NELL1: variants seen among roughly 807,000 people sequenced by gnomAD.
The protein encoded by NELL1 is protein kinase C-binding protein NELL1.
Under a neutral mutation model 107.4 loss-of-function variants are expected in NELL1, and 76 were observed. The ratio of observed to expected loss-of-function variants is 0.71; its 90% CI spans 0.59 to 0.86. The LOEUF (loss-of-function observed/expected upper bound fraction) is 0.86. Ranked by LOEUF, NELL1 falls within the 40% of genes least tolerant of loss-of-function variation. The probability of loss-of-function intolerance (pLI) is 0.00; values close to 1 mark genes in which losing one functional copy is unlikely to be tolerated. For synonymous variants in NELL1, 353 were observed against 341.2 expected (o/e 1.03, Z -0.38); for missense variants, 1,024 against 1,005.5 (o/e 1.02, Z -0.25).
intron 1 of NELL1, among the ~76,000 whole-genome samples, chr11:20,673,082 G>A (rs577969949): frequency 1.0e-3 from 158 of 150,536 alleles, no homozygotes; most frequent in African/African-American, 3.5e-3. Context: ...GGCTGGTCTC[G>A]AACTCCTGAC....
At chr11:21,064,379 G>A (rs985348241) in intron 12 of NELL1, among the ~76,000 whole-genome samples, 11 of 152,180 alleles carry the variant, frequency 7.2e-5, no homozygotes, top group African/African-American at 2.7e-4. Flanking sequence ...TTCCAGGAGC[G>A]AGATGATAGT....
At chr11:20,731,881 C>T (rs1855653800) in intron 2 of NELL1, among the ~76,000 whole-genome samples, 1 of 152,132 alleles carries the variant, frequency 6.6e-6, no homozygotes, top group South Asian at 2.1e-4. Context: ...TAAGGATGTG[C>T]ATATGTGTGG....
At chr11:21,053,382 G>T (rs1853543087) in intron 12 of NELL1, among the ~76,000 whole-genome samples, 1 of 152,044 alleles carries the variant, frequency 6.6e-6, no homozygotes, top group Non-Finnish European at 1.5e-5. Flanking sequence ...TTGGTTTTCT[G>T]TTCTTGTGTT....
chr11:20,996,560 G>T (rs988762880), intron 12 of NELL1, among the ~76,000 whole-genome samples: 1 of 152,134 alleles, frequency 6.6e-6, no homozygotes, highest in Non-Finnish European at 1.5e-5. Flanking sequence ...ACTCTTCCCT[G>T]GTGACCTCAG....
chr11:21,217,952 A>G (rs1857659125), intron 13 of NELL1, among the ~76,000 whole-genome samples: 1 of 152,210 alleles, frequency 6.6e-6, no homozygotes, highest in Admixed American at 6.5e-5. Context: ...TTCCATGGAC[A>G]GGAAATGAGA....
intron 2 of NELL1, among the ~76,000 whole-genome samples, chr11:20,731,870 G>C (rs554120356): frequency 6.6e-6 from 1 of 152,308 alleles, no homozygotes; most frequent in South Asian, 2.1e-4. Flanking sequence ...GATACATGTG[G>C]TAAGGATGTG....
intron 14 of NELL1, among the ~76,000 whole-genome samples, chr11:21,348,394 T>G (rs1441576431): frequency 2.0e-5 from 3 of 152,156 alleles, no homozygotes; most frequent in African/African-American, 7.2e-5. Flanking sequence ...GATACAGAAA[T>G]GAGGATTTTA....
intron 4 of NELL1, among the ~76,000 whole-genome samples, chr11:20,851,713 T>C (rs1212749177): frequency 6.6e-6 from 1 of 152,242 alleles, no homozygotes; most frequent in Non-Finnish European, 1.5e-5. Context: ...AATTTATTTA[T>C]TGGGTACACT....
intron 16 of NELL1, among the ~76,000 whole-genome samples, chr11:21,556,734 G>A (rs1193924353): frequency 1.3e-5 from 2 of 151,832 alleles, no homozygotes; most frequent in Non-Finnish European, 2.9e-5. Context: ...TCTAATGCAA[G>A]CTTAGCCATG....
intron 11 of NELL1, among the ~76,000 whole-genome samples, chr11:20,959,672 G>T (rs1476796274): frequency 6.6e-6 from 1 of 152,168 alleles, no homozygotes; most frequent in African/African-American, 2.4e-5. Context: ...TAGGGGGAAA[G>T]GTGCCTGGGG....
intron 12 of NELL1, among the ~76,000 whole-genome samples, chr11:21,039,862 A>C (rs1262377218): frequency 6.6e-6 from 1 of 151,998 alleles, no homozygotes; most frequent in Non-Finnish European, 1.5e-5. Flanking sequence ...ATTAACCCAC[A>C]CCTTTCTTGG....
intron 15 of NELL1, among the ~76,000 whole-genome samples, chr11:21,495,548 C>T (rs12576261): frequency 4.0e-5 from 6 of 151,864 alleles, no homozygotes; most frequent in African/African-American, 1.2e-4. Context: ...TGGATCATAC[C>T]GTAATTCTAT....
intron 15 of NELL1, among the ~76,000 whole-genome samples, chr11:21,405,024 A>G (rs12223203): frequency 0.17 from 26,603 of 152,068 alleles, 2,861 homozygotes; most frequent in East Asian, 0.29. Context: ...AGGCAAGGCA[A>G]GTAAGCCTGT....
intron 15 of NELL1, among the ~76,000 whole-genome samples, chr11:21,473,857 C>G (rs545950713): frequency 2.0e-5 from 3 of 152,106 alleles, no homozygotes; most frequent in Non-Finnish European, 4.4e-5. Flanking sequence ...ACAAAATATC[C>G]GTTAAAATTT....
In NELL1 at chr11:20,722,987, A is replaced by C. The variant is rs185205842; in HGVS notation, c.184+44927A>C. ...ACAGCAGGAGAGAGAGAGAATGAGG[A>C]AACGCCACACTTTAAAACTATCAGC... On this transcript the variant is annotated intron_variant, in intron 2 of 19. Coordinates refer to ENST00000357134, the MANE Select transcript of NELL1 (RefSeq NM_006157.5). Among the ~76,000 whole-genome samples the C allele has an allele frequency of 1.9e-3, 287 of 152,272 alleles. 1 individual carries two copies. The highest frequency in any genetic ancestry group is 6.6e-3 in the African/African-American group (275 of 41,546).
intron 14 of NELL1, among the ~76,000 whole-genome samples, chr11:21,346,668 CAAAT>C (rs967529471): frequency 2.0e-5 from 3 of 147,396 alleles, no homozygotes; most frequent in African/African-American, 7.4e-5. Context: ...TTTATAATAT[CAAAT>C]TAAATATATA....
intron 9 of NELL1, among the ~76,000 whole-genome samples, chr11:20,932,687 AGAG>A (rs775547423): frequency 5.9e-5 from 9 of 152,328 alleles, no homozygotes; most frequent in African/African-American, 9.6e-5. Context: ...GGTGAAACAG[AGAG>A]GAGAAGTAAC....
chr11:20,927,368 C>G lies in NELL1; in HGVS notation c.820C>G (p.Gln274Glu). Residue 274 changes from glutamine to glutamate, a missense_variant, in exon 8 of 20, where the codon CAA becomes GAA. Physicochemically the swap from Gln to Glu is conservative, Grantham distance 29. Transcript: ENST00000357134. ...AAACTGTCATTGTGAGAAGACTTGT[C>G]AAGTGAGTGGACTGCTCTATCGAGA... The part of the protein sequence containing the change: ...LENCHCEKTC[Q>E]VSGLLYRDQD... The G allele has an allele frequency of 6.2e-7, 1 of 1,613,290 alleles. No individual in the cohort carries two copies.
intron 2 of NELL1, among the ~76,000 whole-genome samples, chr11:20,704,696 C>T (rs906121206): frequency 5.9e-5 from 9 of 152,070 alleles, no homozygotes; most frequent in South Asian, 2.1e-4. Context: ...GTAAGTCAGG[C>T]CTGGTGGTGA....
Sources: allele counts gnomAD v4.1 joint callset (sites outside exome capture counted in the v4.1 genomes callset), GRCh38; gene constraint gnomAD v4.1.1; transcripts MANE v1.5; gene names NCBI Gene and HGNC (gene_info 2026-07-23, HGNC 2026-07-21).